CNOT10: variants seen among roughly 807,000 people sequenced by gnomAD.
CNOT10 encodes CCR4-NOT transcription complex, subunit 10.
A neutral mutation model predicts 94.6 loss-of-function variants in CNOT10; 30 were observed. The observed-to-expected ratio is 0.32, with a 90% CI of 0.24 to 0.43. The LOEUF (loss-of-function observed/expected upper bound fraction) is 0.43, where lower values mean the gene tolerates loss of function less well. CNOT10 is among the 20% of genes least tolerant of loss of function. The pLI is 1.00. For missense variants in CNOT10, 759 were observed against 877.2 expected (o/e 0.87, Z 1.70); for synonymous variants, 289 against 301.6 (o/e 0.96, Z 0.43).
At chr3:32,757,550 C>G (rs1700276733) in intron 13 of CNOT10, among the ~76,000 whole-genome samples, 1 of 152,142 alleles carries the variant, frequency 6.6e-6, no homozygotes, top group Non-Finnish European at 1.5e-5. Flanking sequence ...TAGTACATAT[C>G]TGATATGTTG....
intron 13 of CNOT10, among the ~76,000 whole-genome samples, chr3:32,751,522 T>A (rs921863048): frequency 6.6e-6 from 1 of 152,234 alleles, no homozygotes; most frequent in Non-Finnish European, 1.5e-5. Flanking sequence ...GTGTAAATTA[T>A]AAAGCTTAAT....
intron 1 of CNOT10, among the ~76,000 whole-genome samples, chr3:32,698,684 G>A (rs946736824): frequency 6.6e-6 from 1 of 152,158 alleles, no homozygotes; most frequent in African/African-American, 2.4e-5. Context: ...TTTTAATTAT[G>A]TCATATTGCC....
chr3:32,753,243 C>CT, intron 13 of CNOT10: 1 of 769,352 alleles, frequency 1.3e-6, no homozygotes, highest in Non-Finnish European at 2.4e-6. Flanking sequence ...AGTGCAGATG[C>CT]TAATTTCAGT....
intron 10 of CNOT10, among the ~76,000 whole-genome samples, chr3:32,729,584 T>A (rs1698841682): frequency 1.3e-5 from 2 of 152,168 alleles, no homozygotes; most frequent in Non-Finnish European, 2.9e-5. Context: ...GTGTGTTTGC[T>A]AGTTTTCATA....
intron 1 of CNOT10, among the ~76,000 whole-genome samples, chr3:32,688,932 G>T (rs559720423): frequency 2.0e-5 from 3 of 152,136 alleles, no homozygotes; most frequent in Non-Finnish European, 2.9e-5. Flanking sequence ...AAGGCCGGAC[G>T]TGGTGGCTCA....
chr3:32,747,889 A>G (rs867595593), intron 13 of CNOT10, among the ~76,000 whole-genome samples: 70 of 152,152 alleles, frequency 4.6e-4, no homozygotes, highest in African/African-American at 1.4e-3. Flanking sequence ...CAGGGGTTGC[A>G]GTGAACCGAG....
chr3:32,759,416 G>A (rs1040350285), intron 13 of CNOT10, 42 bp from the exon 14 acceptor site: 2 of 1,357,318 alleles, frequency 1.5e-6, no homozygotes, highest in Non-Finnish European at 2.1e-6. Context: ...CATTATCAAT[G>A]TTTAAAATGA....
intron 13 of CNOT10, among the ~76,000 whole-genome samples, 175 bp downstream of exon 13, chr3:32,737,665 A>G (rs528462938): frequency 6.6e-6 from 1 of 152,076 alleles, no homozygotes; most frequent in African/African-American, 2.4e-5. Context: ...TGTACTAAAA[A>G]TACAAAAATT....
chr3:32,699,820 G>A (rs1402701356), intron 1 of CNOT10, among the ~76,000 whole-genome samples: 1 of 152,104 alleles, frequency 6.6e-6, no homozygotes, highest in African/African-American at 2.4e-5. Context: ...CATAACCAGT[G>A]TGATTCTTGA....
chr3:32,690,310 C>T (rs772727037), intron 1 of CNOT10, among the ~76,000 whole-genome samples: 5 of 151,928 alleles, frequency 3.3e-5, no homozygotes, highest in African/African-American at 7.3e-5. Context: ...AGAATGAGAA[C>T]GATGAAAGTA....
chr3:32,760,696 A>G (rs952125081), intron 14 of CNOT10, among the ~76,000 whole-genome samples: 1 of 152,194 alleles, frequency 6.6e-6, no homozygotes, highest in East Asian at 1.9e-4. Context: ...TTTTATCAAA[A>G]GCCACGAGTA....
intron 8 of CNOT10, among the ~76,000 whole-genome samples, chr3:32,720,486 C>T (rs556336884): frequency 6.6e-6 from 1 of 151,940 alleles, no homozygotes; most frequent in East Asian, 1.9e-4. Context: ...TCCCCTCCCC[C>T]ACCTTTTTTA....
rs1217039044 is a variant in CNOT10, at chr3:32,733,561, G to T, written c.1337+17G>T. 1.4e-6 allele frequency: 2 copies of T among 1,466,014 alleles called. No homozygotes were observed. The highest frequency in any genetic ancestry group is 2.3e-5 in the East Asian group (1 of 42,986). The allele number at this position is 1,466,014 out of a possible 1,614,324, so 90.8% of individuals were successfully genotyped here. On this transcript the variant is annotated intron_variant, in intron 11 of 18. Coordinates refer to ENST00000328834, the MANE Select transcript of CNOT10 (RefSeq NM_015442.3). The stretch of plus-strand genomic sequence containing the variant: ...TGTTTATAAGTAAGTATTTTGCAAA[G>T]AAAAAGTGTATATATATTTAATACT...
chr3:32,707,166 A>T (rs1575218109), intron 3 of CNOT10, among the ~76,000 whole-genome samples: 6 of 152,210 alleles, frequency 3.9e-5, no homozygotes, highest in Admixed American at 3.9e-4. Flanking sequence ...TTCCAGTTTC[A>T]TGTGTTACAT....
chr3:32,764,269 G>A lies in CNOT10; in HGVS notation c.1841-186G>A, dbSNP rs148046070. On this transcript the variant is annotated intron_variant, in intron 15 of 18. Transcript: ENST00000328834. ...GGAGAATCGCTTGAATCCAGGAGGCGGAGGTTGCAGTGAGCCGAGATCATG... is the reference window on the plus strand; with the variant it reads ...GGAGAATCGCTTGAATCCAGGAGGCAGAGGTTGCAGTGAGCCGAGATCATG... 1,169 of 547,010 alleles carry A rather than the reference G, an allele frequency of 2.1e-3. 30 individuals are homozygous for A. The East Asian group carries it at 0.034, about 16-fold the overall frequency. 33.9% of individuals were successfully genotyped at this position (547,010 alleles called of 1,614,324 possible). A position where few individuals can be genotyped will look rare whatever the true frequency, so the allele number is the denominator to read the frequency against.
intron 1 of CNOT10, chr3:32,695,516 T>C (rs185164486): frequency 1.4e-6 from 2 of 1,447,804 alleles, no homozygotes; most frequent in Admixed American, 2.3e-5. Context: ...ATTAACATTC[T>C]GTATTGGAAT....
At chr3:32,725,927 A>AGTTTT (rs33937831) in intron 9 of CNOT10, among the ~76,000 whole-genome samples, 21,113 of 149,714 alleles carry the variant, frequency 0.14, 1,730 homozygotes, top group African/African-American at 0.22. Flanking sequence ...GGTTTATTAT[A>AGTTTT]GTTTTGTTTT....
At chr3:32,731,979 T>C (rs1457323176) in intron 10 of CNOT10, among the ~76,000 whole-genome samples, 1 of 152,110 alleles carries the variant, frequency 6.6e-6, no homozygotes, top group Non-Finnish European at 1.5e-5. Flanking sequence ...CTCAGGAGGC[T>C]GAGGCAGGAG....
At chr3:32,729,536 A>G (rs961965465) in intron 10 of CNOT10, among the ~76,000 whole-genome samples, 1 of 152,182 alleles carries the variant, frequency 6.6e-6, no homozygotes, top group East Asian at 1.9e-4. Flanking sequence ...GCTGAACAGC[A>G]GTTTCTGAGA....
Sources: allele counts gnomAD v4.1 joint callset (sites outside exome capture counted in the v4.1 genomes callset), GRCh38; gene constraint gnomAD v4.1.1; transcripts MANE v1.5; gene names NCBI Gene and HGNC (gene_info 2026-07-23, HGNC 2026-07-21).